The following CDC14A variants were observed in gnomAD, a reference collection of about 807,000 sequenced individuals.
CDC14A encodes cell division cycle 14A.
In CDC14A, 53 loss-of-function variants were observed where a neutral mutation model predicts 74.4. The observed-to-expected ratio is 0.71, with a 90% CI of 0.57 to 0.89. CDC14A has a LOEUF of 0.89. CDC14A is among the 40% of genes least tolerant of loss of function. The pLI is 0.00. For missense variants in CDC14A, 646 were observed against 713.7 expected (o/e 0.91, Z 1.08); for synonymous variants, 247 against 258.4 (o/e 0.96, Z 0.43).
intron 10 of CDC14A, among the ~76,000 whole-genome samples, chr1:100,482,480 C>T (rs1669583749): frequency 2.6e-5 from 4 of 152,114 alleles, no homozygotes; most frequent in Admixed American, 1.3e-4. Context: ...TTTCCAGATA[C>T]TTCTGGAATG....
chr1:100,500,288 C>T (rs746020602), intron 15 of CDC14A, among the ~76,000 whole-genome samples: 1 of 152,190 alleles, frequency 6.6e-6, no homozygotes, highest in Non-Finnish European at 1.5e-5. Context: ...TCGCTTCACA[C>T]TTGCTATTCT....
chr1:100,345,854 G>A (rs1213944195), intron 1 of CDC14A, among the ~76,000 whole-genome samples: 1 of 152,178 alleles, frequency 6.6e-6, no homozygotes, highest in Non-Finnish European at 1.5e-5. Flanking sequence ...ATTATTAAAT[G>A]TGCACATGGA....
chr1:100,474,354 T>C (rs1046460580), intron 10 of CDC14A, among the ~76,000 whole-genome samples: 8 of 152,268 alleles, frequency 5.3e-5, no homozygotes, highest in Admixed American at 3.3e-4. Flanking sequence ...TTTCATGAAA[T>C]GAATTGGGAA....
chr1:100,420,123 T>G (rs1452813304), intron 4 of CDC14A, among the ~76,000 whole-genome samples: 3 of 101,558 alleles, frequency 3.0e-5, no homozygotes, highest in Non-Finnish European at 6.7e-5. Flanking sequence ...TGAAAAGGTT[T>G]TTTTTTTTTT....
At chr1:100,512,306 A>T (rs1436941860) in intron 15 of CDC14A, among the ~76,000 whole-genome samples, 2 of 152,108 alleles carry the variant, frequency 1.3e-5, no homozygotes, top group Non-Finnish European at 1.5e-5. Flanking sequence ...AGTGCCTAAT[A>T]AATACTTATT....
intron 8 of CDC14A, among the ~76,000 whole-genome samples, chr1:100,457,214 T>C (rs1666786641): frequency 6.6e-6 from 1 of 152,224 alleles, no homozygotes; most frequent in African/African-American, 2.4e-5. Flanking sequence ...GTAAAAGCCA[T>C]TTAAAAGTTT....
chr1:100,359,864 G>A (rs184195029), intron 2 of CDC14A, among the ~76,000 whole-genome samples: 1 of 150,150 alleles, frequency 6.7e-6, no homozygotes, highest in Non-Finnish European at 1.5e-5. Flanking sequence ...GTAGTTTATA[G>A]TTTCTTCCCC....
At chr1:100,375,336 G>A (rs1345409426) in intron 2 of CDC14A, among the ~76,000 whole-genome samples, 1 of 152,220 alleles carries the variant, frequency 6.6e-6, no homozygotes, top group African/African-American at 2.4e-5. Flanking sequence ...TGTTGTGTAA[G>A]GCTTTGATTG....
At chr1:100,449,648 G>A (rs931649715) in intron 7 of CDC14A, among the ~76,000 whole-genome samples, 3 of 152,102 alleles carry the variant, frequency 2.0e-5, no homozygotes, top group Non-Finnish European at 4.4e-5. Context: ...GCCTTGTGTG[G>A]TACTCTGTTT....
At position 100,498,979 on chromosome 1, in the gene CDC14A, C is replaced by T. The variant is rs999628921; in HGVS notation, c.1472C>T (p.Ala491Val). The change falls in exon 15 of 16, where the codon GCA (alanine) becomes GTA (valine). Residue 491 changes from alanine (A) to valine (V), a missense_variant. Physicochemically the swap from Ala to Val is moderately conservative, Grantham distance 64. Coordinates refer to ENST00000336454, the MANE Select transcript of CDC14A (RefSeq NM_003672.4). ...LASSLGNLNA[A>V]TDDPENKKTS... Reference sequence around the variant, plus strand: ...AGTTCTCTAGGGAACTTGAATGCTGCAACAGATGATCCAGAGAACAAAAAG... The same window carrying T: ...AGTTCTCTAGGGAACTTGAATGCTGTAACAGATGATCCAGAGAACAAAAAG... 11 of 1,614,158 alleles carry T rather than the reference C, an allele frequency of 6.8e-6. No individual in the cohort carries two copies. The highest frequency in any genetic ancestry group is 9.3e-6 in the Non-Finnish European group (11 of 1,180,022).
intron 5 of CDC14A, among the ~76,000 whole-genome samples, chr1:100,432,710 CACT>C (rs1663846047): frequency 6.6e-6 from 1 of 152,136 alleles, no homozygotes; most frequent in Non-Finnish European, 1.5e-5. Flanking sequence ...GAGCAAAATA[CACT>C]ACTAAAATTT....
chr1:100,499,416 C>T, intron 15 of CDC14A, 154 bp downstream of exon 15: 1 of 1,544,044 alleles, frequency 6.5e-7, no homozygotes, highest in South Asian at 1.3e-5. Context: ...ACTGTCTATG[C>T]ACTACATTCT....
intron 4 of CDC14A, among the ~76,000 whole-genome samples, chr1:100,420,848 C>T (rs1305506594): frequency 6.6e-6 from 1 of 151,988 alleles, no homozygotes; most frequent in African/African-American, 2.4e-5. Flanking sequence ...AACCTCATAG[C>T]TGTTGATAAT....
chr1:100,450,897 T>C (rs1666076409), intron 7 of CDC14A, among the ~76,000 whole-genome samples: 1 of 152,250 alleles, frequency 6.6e-6, no homozygotes, highest in South Asian at 2.1e-4. Flanking sequence ...ACACAAGCGT[T>C]CGTAAAACCA....
intron 2 of CDC14A, among the ~76,000 whole-genome samples, chr1:100,359,221 C>T (rs769782565): frequency 2.0e-5 from 3 of 152,206 alleles, no homozygotes; most frequent in Non-Finnish European, 4.4e-5. Flanking sequence ...GTGGTTTACA[C>T]GCACACATTA....
chr1:100,467,867 A>G lies in CDC14A; in HGVS notation c.839-89A>G, dbSNP rs866598036. On this transcript the variant is annotated intron_variant, in intron 9 of 15. Transcript: ENST00000336454. ...ATAATATCATCACACTTGAATGCAGAGCAGTTTCTGGGCAAGGTTTGATTT... is the reference window on the plus strand; with the variant it reads ...ATAATATCATCACACTTGAATGCAGGGCAGTTTCTGGGCAAGGTTTGATTT... 165 of 1,251,452 alleles carry G rather than the reference A, an allele frequency of 1.3e-4. No homozygotes were observed. The African/African-American group carries it at 2.1e-3, about 16-fold the overall frequency. The allele number at this position is 1,251,452 out of a possible 1,614,324, so 77.5% of individuals were successfully genotyped here.
chr1:100,395,258 C>T (rs1281077803), intron 4 of CDC14A, among the ~76,000 whole-genome samples: 1 of 152,136 alleles, frequency 6.6e-6, no homozygotes, highest in Non-Finnish European at 1.5e-5. Flanking sequence ...ATCAAATATC[C>T]AACTGCCTGT....
chr1:100,404,326 C>T (rs776782819), intron 4 of CDC14A, among the ~76,000 whole-genome samples: 5 of 152,152 alleles, frequency 3.3e-5, no homozygotes, highest in Non-Finnish European at 4.4e-5. Flanking sequence ...TAGGTTCCCA[C>T]GTCACCAACA....
chr1:100,393,795 T>G, intron 4 of CDC14A: 2 of 286,214 alleles, frequency 7.0e-6, no homozygotes, highest in South Asian at 3.3e-5. Flanking sequence ...ATACAAAAAT[T>G]AGCTGGGCGT....
Sources: gnomAD v4.1 joint callset for allele counts (sites outside exome capture counted in the v4.1 genomes callset) on GRCh38, gnomAD v4.1.1 for gene constraint, MANE v1.5 for transcripts, NCBI Gene and HGNC (gene_info 2026-07-23, HGNC 2026-07-21) for gene names.